The following GNB1 variants were observed in gnomAD, a reference collection of about 807,000 sequenced individuals.
The protein encoded by GNB1 is G protein subunit beta 1, also known as guanine nucleotide-binding protein G(I)/G(S)/G(T) subunit beta-1.
In GNB1, 2 loss-of-function variants were observed where a neutral mutation model predicts 42.9. The ratio of observed to expected loss-of-function variants is 0.05; its 90% CI spans 0.02 to 0.15. The LOEUF (loss-of-function observed/expected upper bound fraction) is 0.15. Ranked by LOEUF, GNB1 falls within the 10% of genes least tolerant of loss-of-function variation. GNB1 has a pLI of 1.00. For synonymous variants in GNB1, 183 were observed against 174.7 expected, an observed-to-expected ratio of 1.05 and a Z score of -0.38; for missense variants, 193 against 462.2, an observed-to-expected ratio of 0.42 and a Z score of 5.34.
chr1:1,847,192 G>T (rs1647715720), intron 1 of GNB1, among the ~76,000 whole-genome samples: 1 of 152,130 alleles, frequency 6.6e-6, no homozygotes, highest in Non-Finnish European at 1.5e-5. Flanking sequence ...CCGGGTTTAT[G>T]ATCAGGACTG....
intron 1 of GNB1, among the ~76,000 whole-genome samples, chr1:1,871,199 C>A (rs1192683337): frequency 6.6e-6 from 1 of 152,136 alleles, no homozygotes; most frequent in Non-Finnish European, 1.5e-5. Flanking sequence ...CACCTGTAAC[C>A]CCAGCATTTT....
chr1:1,787,788 T>C lies in GNB1; in HGVS notation c.917-351A>G, dbSNP rs763745080. On this transcript the variant is annotated intron_variant, in intron 10 of 11. Coordinates refer to ENST00000378609, the MANE Select transcript of GNB1 (RefSeq NM_002074.5). The surrounding 1 kb of genome is among the most constrained non-coding windows in gnomAD (Gnocchi z 4.4). The stretch of plus-strand genomic sequence containing the variant: ...GGCTTAGGCCTGTAATCCCAGCACG[T>C]TGGAAGGCCGAGGCAGGCAGATCAT... 4.6e-5 allele frequency among the ~76,000 whole-genome samples: 7 copies of C among 152,072 alleles called. No individual in the cohort carries two copies. Among genetic ancestry groups the C allele is most frequent in the Admixed American group, 2.6e-4 (4 of 15,278 alleles).
chr1:1,855,726 C>G lies in GNB1; in HGVS notation c.-95-16488G>C, dbSNP rs1648256988. ...CTCAAAAAAAAAACAAAAAAAAACT[C>G]CCATAAAAGGAAAAAACACTAAGTC... On this transcript the variant is annotated intron_variant, in intron 1 of 11. Transcript: ENST00000378609. Among the ~76,000 whole-genome samples the G allele has an allele frequency of 1.3e-5, 2 of 152,094 alleles. 1 individual carries two copies. Among genetic ancestry groups the G allele is most frequent in the African/African-American group, 4.8e-5 (2 of 41,422 alleles).
intron 1 of GNB1, among the ~76,000 whole-genome samples, chr1:1,877,530 G>T (rs1233957811): frequency 6.6e-6 from 1 of 151,850 alleles, no homozygotes; most frequent in Non-Finnish European, 1.5e-5. Context: ...TAGAGACAGG[G>T]TCTAGCTGTG....
chr1:1,815,869 A>G lies in GNB1; in HGVS notation c.97-7T>C, dbSNP rs1483697911. On this transcript the variant is annotated splice_polypyrimidine_tract_variant and splice_region_variant and intron_variant, in intron 4 of 11. Transcript: ENST00000378609. ...GGTCGATGTTGTTTGTGATCTTGAAAATAAAAACATTTCTGTAAATCAACA... is the reference window on the plus strand; with the variant it reads ...GGTCGATGTTGTTTGTGATCTTGAAGATAAAAACATTTCTGTAAATCAACA... 6.6e-7 allele frequency: 1 copy of G among 1,505,358 alleles called. No homozygotes were observed. The highest frequency in any genetic ancestry group is 9.3e-7 in the Non-Finnish European group (1 of 1,080,794). 93.3% of individuals were successfully genotyped at this position (1,505,358 alleles called of 1,614,324 possible). A position where few individuals can be genotyped will look rare whatever the true frequency, so the allele number is the denominator to read the frequency against.
chr1:1,857,944 C>A (rs185564437), intron 1 of GNB1, among the ~76,000 whole-genome samples: 2 of 152,068 alleles, frequency 1.3e-5, no homozygotes, highest in Admixed American at 1.3e-4. Context: ...CGTACTGTAC[C>A]GTGATATTTT....
In GNB1 at chr1:1,787,513, G is replaced by A; in HGVS notation, c.917-76C>T. On this transcript the variant is annotated intron_variant, in intron 10 of 11. Transcript: ENST00000378609. This position sits in a 1 kb window ranked among gnomAD's most constrained non-coding sequence, Gnocchi z 4.4. ...CACCTGTGTGCCATGTTGTGACGAG[G>A]ACGGATGGTGCATCTCTCATGGGAC... 1.2e-6 allele frequency: 1 copy of A among 857,150 alleles called. No individual in the cohort carries two copies. The highest frequency in any genetic ancestry group is 1.7e-5 in the African/African-American group (1 of 60,474). The allele number at this position is 857,150 out of a possible 1,614,324, so 53.1% of individuals were successfully genotyped here.
Position 1,830,452 on chromosome 1 carries a change from G to A in GNB1, c.-46-4953C>T, listed in dbSNP as rs143273738. Among the ~76,000 whole-genome samples, 418 of 151,294 alleles carry A rather than the reference G, an allele frequency of 2.8e-3. 2 individuals are homozygous for A. Among genetic ancestry groups the A allele is most frequent in the Middle Eastern group, 0.01 (3 of 292 alleles). ...AATTTTTTATATTTTTAGTAGGGAC[G>A]GGGTTTCACCGTGGTCTCCATCTCC... On this transcript the variant is annotated intron_variant, in intron 2 of 11. Coordinates refer to ENST00000378609, the MANE Select transcript of GNB1 (RefSeq NM_002074.5).
At chr1:1,809,668 C>T (rs1646748772) in intron 5 of GNB1, among the ~76,000 whole-genome samples, 1 of 152,142 alleles carries the variant, frequency 6.6e-6, no homozygotes, top group South Asian at 2.1e-4. Context: ...GGTCAGAGAG[C>T]TTAATAACTG....
At chr1:1,808,266 A>AC (rs1471107989) in intron 5 of GNB1, among the ~76,000 whole-genome samples, 4 of 152,114 alleles carry the variant, frequency 2.6e-5, no homozygotes, top group African/African-American at 9.7e-5. Flanking sequence ...CGGCCTCCCA[A>AC]CGTTTTGGTA....
chr1:1,803,554 T>C (rs1646654405), intron 7 of GNB1, among the ~76,000 whole-genome samples: 1 of 152,240 alleles, frequency 6.6e-6, no homozygotes, highest in South Asian at 2.1e-4. Context: ...AGTGTTGCAG[T>C]TACAGGCATG....
intron 3 of GNB1, among the ~76,000 whole-genome samples, chr1:1,822,529 A>T (rs1646944750): frequency 6.6e-6 from 1 of 151,592 alleles, no homozygotes; most frequent in Admixed American, 6.6e-5. Flanking sequence ...GTTAGCCAGG[A>T]TGGTATCGAT....
intron 3 of GNB1, among the ~76,000 whole-genome samples, chr1:1,819,025 G>A (rs183251168): frequency 6.6e-6 from 1 of 152,248 alleles, no homozygotes; most frequent in African/African-American, 2.4e-5. Context: ...GCTGCAGGTA[G>A]GCACTGTGAA....
chr1:1,827,347 C>T (rs1647013330), intron 2 of GNB1, among the ~76,000 whole-genome samples: 1 of 152,200 alleles, frequency 6.6e-6, no homozygotes, highest in African/African-American at 2.4e-5. Context: ...GCAGGCTGCA[C>T]AGCAACACGG....
Position 1,789,207 on chromosome 1 carries a change from G to T in GNB1, c.762C>A (p.Asp254Glu). The T allele has an allele frequency of 6.2e-7, 1 of 1,613,696 alleles. No homozygotes were observed. The highest frequency in any genetic ancestry group is 8.5e-7 in the Non-Finnish European group (1 of 1,179,580). ...TCATGAGCTCCTGGTCAGCACGAAG[G>T]TCAAACAGCCTGCAGGTGGCGTCGT... ...GSDDATCRLF[D>E]LRADQELMTY... The change falls in exon 10 of 12, where the codon GAC (aspartate) becomes GAA (glutamate). Residue 254 changes from aspartate to glutamate, a missense_variant. Transcript: ENST00000378609.
intron 1 of GNB1, among the ~76,000 whole-genome samples, chr1:1,859,133 T>C (rs1648466990): frequency 6.6e-6 from 1 of 151,908 alleles, no homozygotes; most frequent in African/African-American, 2.4e-5. Context: ...TCAATTCTCC[T>C]GTCTCAGCCT....
intron 3 of GNB1, among the ~76,000 whole-genome samples, chr1:1,819,533 T>A (rs1222396585): frequency 6.6e-6 from 1 of 151,712 alleles, no homozygotes; most frequent in Non-Finnish European, 1.5e-5. Flanking sequence ...TTTTTTTTTT[T>A]AAACTATGTA....
chr1:1,789,306 G>A (rs764929739), intron 9 of GNB1, 37 bp from the exon 10 acceptor site: 13 of 1,189,576 alleles, frequency 1.1e-5, no homozygotes, highest in Non-Finnish European at 1.6e-5. Context: ...TCATGTAAAC[G>A]CTCAGAAAGA....
intron 5 of GNB1, among the ~76,000 whole-genome samples, chr1:1,807,058 G>A (rs1646704606): frequency 6.6e-6 from 1 of 152,168 alleles, no homozygotes; most frequent in South Asian, 2.1e-4. Context: ...ACAGACCACA[G>A]TTGAGAGTGG....
Sources: allele counts gnomAD v4.1 joint callset (sites outside exome capture counted in the v4.1 genomes callset), GRCh38; gene constraint gnomAD v4.1.1; non-coding constraint Gnocchi (gnomAD v3.1); transcripts MANE v1.5; gene names NCBI Gene and HGNC (gene_info 2026-07-23, HGNC 2026-07-21).